HOXC9: variants seen among roughly 807,000 people sequenced by gnomAD.
The protein encoded by HOXC9 is homeobox protein Hox-C9.
HOXC9 carries 10 observed loss-of-function variants against 20.0 expected under a neutral mutation model. The observed-to-expected ratio is 0.50, with a 90% confidence interval of 0.31 to 0.85. HOXC9 has a LOEUF of 0.85. Among genes scored for constraint, HOXC9 ranks in the 40% least tolerant of loss-of-function variants. HOXC9 has a pLI of 0.05. For synonymous variants in HOXC9, 200 were observed against 163.7 expected, an observed-to-expected ratio of 1.22 and a Z score of -1.69; for missense variants, 394 against 376.7, an observed-to-expected ratio of 1.05 and a Z score of -0.38.
rs922057294 is a variant in HOXC9 at position 54,003,319 on chromosome 12, G to A, written c.*645G>A. ...TAGAACAGCCCTGTGTTAATATATT[G>A]AAGTCACTTAACCAGAAACCCAACT... On this transcript the variant is annotated 3_prime_UTR_variant, in exon 2 of 2. Coordinates refer to ENST00000303450, the MANE Select transcript of HOXC9 (RefSeq NM_006897.3). 6.6e-6 allele frequency: 1 copy of A among 152,234 alleles called. No homozygotes were observed. Among genetic ancestry groups the A allele is most frequent in the African/African-American group, 2.4e-5 (1 of 41,442 alleles). 9.4% of individuals were successfully genotyped at this position (152,234 alleles called of 1,614,324 possible). A position where few individuals can be genotyped will look rare whatever the true frequency, so the allele number is the denominator to read the frequency against.
chr12:54,000,205 C>T lies in HOXC9; in HGVS notation c.17C>T (p.Pro6Leu). Reference protein sequence around the residue: MSATGPISNYYVDSLI... With the variant: MSATGLISNYYVDSLI... Reference sequence around the variant, plus strand: ...CCCGTTACGATGTCGGCGACGGGGCCCATCAGTAACTATTACGTGGACTCG... The same window carrying T: ...CCCGTTACGATGTCGGCGACGGGGCTCATCAGTAACTATTACGTGGACTCG... Residue 6 changes from proline to leucine, a missense_variant, in exon 1 of 2, where the codon CCC (proline) becomes CTC (leucine). Transcript: ENST00000303450. The T allele has an allele frequency of 6.2e-7, 1 of 1,614,072 alleles. No homozygotes were observed. The highest frequency in any genetic ancestry group is 8.5e-7 in the Non-Finnish European group (1 of 1,180,018).
At position 54,002,947 on chromosome 12, in the gene HOXC9, A is replaced by C. The variant is rs551243035; in HGVS notation, c.*273A>C. The C allele has an allele frequency of 6.5e-4, 206 of 319,052 alleles. No homozygotes were observed. The highest frequency in any genetic ancestry group is 4.1e-3 in the African/African-American group (192 of 47,102). The allele number at this position is 319,052 out of a possible 1,614,324, so 19.8% of individuals were successfully genotyped here. ...CGTTCTCTTTCCCCAGCGCAACCGA[A>C]ATAAATGACACATACAAATGTGATT... is the stretch of plus-strand genomic sequence containing the variant. On this transcript the variant is annotated 3_prime_UTR_variant, in exon 2 of 2. Coordinates refer to ENST00000303450, the MANE Select transcript of HOXC9 (RefSeq NM_006897.3).
In HOXC9 at chr12:54,000,568, G is replaced by A. The variant is rs1203168229; in HGVS notation, c.380G>A (p.Arg127His). The change falls in exon 1 of 2, where the codon CGC becomes CAC. Residue 127 changes from arginine to histidine, a missense_variant. Physicochemically the swap from Arg to His is conservative, Grantham distance 29. Transcript: ENST00000303450. ...ALKPDAYPGR[R>H]ADCGPGEGRS... ...AAGCCGGACGCCTACCCCGGGCGCC[G>A]CGCGGACTGCGGCCCAGGGGAGGGC... The A allele has an allele frequency of 6.5e-7, 1 of 1,535,394 alleles. No individual in the cohort carries two copies. The highest frequency in any genetic ancestry group is 1.4e-5 in the African/African-American group (1 of 72,506).
intron 1 of HOXC9, 53 bp downstream of exon 1, chr12:54,000,779 CG>C: frequency 7.4e-7 from 1 of 1,351,220 alleles, no homozygotes; most frequent in South Asian, 1.5e-5. Context: ...GAGGGGAGGA[CG>C]GGCGGGGGCA....
chr12:54,002,928 C>T lies in HOXC9; in HGVS notation c.*254C>T, dbSNP rs914641444. 2 of 359,434 alleles carry T rather than the reference C, an allele frequency of 5.6e-6. No homozygotes were observed. Among genetic ancestry groups the T allele is most frequent in the Non-Finnish European group, 5.0e-6 (1 of 200,766 alleles). 22.3% of individuals were successfully genotyped at this position (359,434 alleles called of 1,614,324 possible). A position where few individuals can be genotyped will look rare whatever the true frequency, so the allele number is the denominator to read the frequency against. On this transcript the variant is annotated 3_prime_UTR_variant, in exon 2 of 2. Transcript: ENST00000303450. ...GAGGCGGGGAGAGAAACTGCGTTCTCTTTCCCCAGCGCAACCGAAATAAAT... is the reference window on the plus strand; with the variant it reads ...GAGGCGGGGAGAGAAACTGCGTTCTTTTTCCCCAGCGCAACCGAAATAAAT...
rs1439055410 is a variant in HOXC9, at chr12:54,001,950, T to C, written c.539-480T>C. ...AGCGGGAGGATGGTGCTGCAGAGGGTGGTGAGGGGTTTAGGGATTCTCAGG... is the reference window on the plus strand; with the variant it reads ...AGCGGGAGGATGGTGCTGCAGAGGGCGGTGAGGGGTTTAGGGATTCTCAGG... On this transcript the variant is annotated intron_variant, in intron 1 of 1. Transcript: ENST00000303450. Among the ~76,000 whole-genome samples, 5 of 149,370 alleles carry C rather than the reference T, an allele frequency of 3.3e-5. No homozygotes were observed. In the East Asian group the frequency reaches 9.9e-4, roughly 30 times the overall value.
chr12:54,000,661 C>A lies in HOXC9; in HGVS notation c.473C>A (p.Pro158His), dbSNP rs1252972722. ...ELRDRAPQTL[P>H]SPEADALAGS... ...CGCGACCGCGCCCCGCAGACACTGC[C>A]CTCGCCCGAGGCGGACGCGCTCGCC... Residue 158 changes from proline to histidine, a missense_variant, in exon 1 of 2, where the codon CCC (proline) becomes CAC (histidine). Physicochemically the swap from Pro to His is moderately conservative, Grantham distance 77. Transcript: ENST00000303450. 1 of 1,563,848 alleles carries A rather than the reference C, an allele frequency of 6.4e-7. No individual in the cohort carries two copies.
chr12:54,001,215 A>G (rs1939735415), intron 1 of HOXC9, among the ~76,000 whole-genome samples: 1 of 152,076 alleles, frequency 6.6e-6, no homozygotes, highest in African/African-American at 2.4e-5. Context: ...CAGAAGGTCC[A>G]TGGACTTCTC....
intron 1 of HOXC9, among the ~76,000 whole-genome samples, chr12:54,001,356 G>T (rs1414435324): frequency 6.6e-6 from 1 of 152,080 alleles, no homozygotes; most frequent in Non-Finnish European, 1.5e-5. Context: ...CCTCTTCTGA[G>T]GGTCTTGGAG....
Position 54,000,597 on chromosome 12 carries a change from A to C in HOXC9, c.409A>C (p.Ser137Arg). 1 of 1,533,940 alleles carries C rather than the reference A, an allele frequency of 6.5e-7. No homozygotes were observed. The highest frequency in any genetic ancestry group is 8.7e-7 in the Non-Finnish European group (1 of 1,147,456). Reference sequence around the variant, plus strand: ...GGACTGCGGCCCAGGGGAGGGCCGCAGCTACCCGGACTACATGTACGGCTC... The same window carrying C: ...GGACTGCGGCCCAGGGGAGGGCCGCCGCTACCCGGACTACATGTACGGCTC... ...RADCGPGEGR[S>R]YPDYMYGSPG... The change falls in exon 1 of 2, where the codon AGC (serine) becomes CGC (arginine). Residue 137 changes from serine (S) to arginine (R), a missense_variant. Ser to Arg is a moderately radical substitution (Grantham distance 110). Transcript: ENST00000303450.
rs1294333101 is a variant in HOXC9 at position 54,000,332 on chromosome 12, C to T, written c.144C>T (p.Ser48=). ...CCAGCGGTTTGGTGCCGGACTGTAGCGATTTTCCGTCCTGTAGCTTCGCGC... is the reference window on the plus strand; with the variant it reads ...CCAGCGGTTTGGTGCCGGACTGTAGTGATTTTCCGTCCTGTAGCTTCGCGC... ...ARPSGLVPDC[S]DFPSCSFAPK... Residue 48 remains serine, a synonymous_variant, in exon 1 of 2, where the codon AGC becomes AGT. Coordinates refer to ENST00000303450, the MANE Select transcript of HOXC9 (RefSeq NM_006897.3). 4.3e-6 allele frequency: 7 copies of T among 1,613,952 alleles called. No homozygotes were observed. In the African/African-American group the frequency reaches 8.0e-5, roughly 18 times the overall value.
chr12:54,002,017 G>A (rs1939756348), intron 1 of HOXC9, among the ~76,000 whole-genome samples: 1 of 152,072 alleles, frequency 6.6e-6, no homozygotes, highest in South Asian at 2.1e-4. Flanking sequence ...CTTGGTCGTG[G>A]GCTGGGAGGA....
Position 54,002,468 on chromosome 12 carries a change from A to G in HOXC9, c.577A>G (p.Arg193Gly), listed in dbSNP as rs746355326. 4 of 1,614,040 alleles carry G rather than the reference A, an allele frequency of 2.5e-6. No individual in the cohort carries two copies. Among genetic ancestry groups the G allele is most frequent in the Non-Finnish European group, 3.4e-6 (4 of 1,180,018 alleles). The stretch of plus-strand genomic sequence containing the variant: ...CAACTGGATTCACGCCCGCTCCACG[A>G]GGAAGAAGCGCTGCCCCTACACCAA... ...VANWIHARSTRKKRCPYTKYQ... is the reference protein window; with the variant it reads ...VANWIHARSTGKKRCPYTKYQ... Residue 193 changes from arginine to glycine, a missense_variant, in exon 2 of 2, where the codon AGG (arginine) becomes GGG (glycine). Coordinates refer to ENST00000303450, the MANE Select transcript of HOXC9 (RefSeq NM_006897.3).
intron 1 of HOXC9, 68 bp downstream of exon 1, chr12:54,000,794 G>A: frequency 7.4e-7 from 1 of 1,354,746 alleles, no homozygotes; most frequent in Non-Finnish European, 9.7e-7. Flanking sequence ...GGGGGCAGCC[G>A]AATTACAGCC....
chr12:54,002,746 C>G lies in HOXC9; in HGVS notation c.*72C>G, dbSNP rs947804619. Reference sequence around the variant, plus strand: ...ACCCCACAAAATACCCCAACACAGGCGGGGGAGAGACGAAAAAGAAAAGGA... The same window carrying G: ...ACCCCACAAAATACCCCAACACAGGGGGGGGAGAGACGAAAAAGAAAAGGA... On this transcript the variant is annotated 3_prime_UTR_variant, in exon 2 of 2. Coordinates refer to ENST00000303450, the MANE Select transcript of HOXC9 (RefSeq NM_006897.3). 1 of 1,473,588 alleles carries G rather than the reference C, an allele frequency of 6.8e-7. No homozygotes were observed. Among genetic ancestry groups the G allele is most frequent in the Non-Finnish European group, 9.1e-7 (1 of 1,094,644 alleles). 91.3% of individuals were successfully genotyped at this position (1,473,588 alleles called of 1,614,324 possible). A position where few individuals can be genotyped will look rare whatever the true frequency, so the allele number is the denominator to read the frequency against.
chr12:54,000,364 C>T lies in HOXC9; in HGVS notation c.176C>T (p.Pro59Leu), dbSNP rs779811952. Residue 59 changes from proline (P) to leucine (L), a missense_variant, in exon 1 of 2, where the codon CCG becomes CTG. Transcript: ENST00000303450. The part of the protein sequence containing the change: ...DFPSCSFAPK[P>L]AVFSTSWAPV... ...CCGTCCTGTAGCTTCGCGCCCAAGC[C>T]GGCAGTGTTCAGCACGTCGTGGGCG... The T allele has an allele frequency of 3.7e-6, 6 of 1,613,822 alleles. No homozygotes were observed. The highest frequency in any genetic ancestry group is 4.2e-6 in the Non-Finnish European group (5 of 1,180,054).
rs573143117 is a variant in HOXC9, at chr12:54,001,152, C to T, written c.538+426C>T. ...GAGGAGATACCCCCAGCGAGAATGA[C>T]CCCTGCTTCCCAGTCAGCGTGGAGG... On this transcript the variant is annotated intron_variant, in intron 1 of 1. Coordinates refer to ENST00000303450, the MANE Select transcript of HOXC9 (RefSeq NM_006897.3). Among the ~76,000 whole-genome samples the T allele has an allele frequency of 3.3e-5, 5 of 152,162 alleles. No individual in the cohort carries two copies. The South Asian group carries it at 8.3e-4, about 25-fold the overall frequency.
Position 54,000,380 on chromosome 12 carries a change from G to A in HOXC9, c.192G>A (p.Thr64=). ...SFAPKPAVFS[T]SWAPVPSQSS... ...CGCCCAAGCCGGCAGTGTTCAGCACGTCGTGGGCGCCCGTGCCCTCTCAGT... is the reference window on the plus strand; with the variant it reads ...CGCCCAAGCCGGCAGTGTTCAGCACATCGTGGGCGCCCGTGCCCTCTCAGT... The change falls in exon 1 of 2, where the codon ACG becomes ACA. Residue 64 remains threonine (T), a synonymous_variant. Coordinates refer to ENST00000303450, the MANE Select transcript of HOXC9 (RefSeq NM_006897.3). 1 of 1,613,548 alleles carries A rather than the reference G, an allele frequency of 6.2e-7. No individual in the cohort carries two copies. Among genetic ancestry groups the A allele is most frequent in the Non-Finnish European group, 8.5e-7 (1 of 1,180,020 alleles).
In HOXC9 at chr12:54,000,413, G is replaced by A; in HGVS notation, c.225G>A (p.Val75=). The change falls in exon 1 of 2, where the codon GTG becomes GTA. Residue 75 remains valine, a synonymous_variant. Coordinates refer to ENST00000303450, the MANE Select transcript of HOXC9 (RefSeq NM_006897.3). The part of the protein sequence containing the change: ...SWAPVPSQSS[V]VYHPYGPQPH... ...CGCCCGTGCCCTCTCAGTCGTCCGT[G>A]GTATATCACCCGTACGGCCCCCAGC... 1 of 1,611,662 alleles carries A rather than the reference G, an allele frequency of 6.2e-7. No individual in the cohort carries two copies. Among genetic ancestry groups the A allele is most frequent in the South Asian group, 1.1e-5 (1 of 91,088 alleles).
Sources: allele counts gnomAD v4.1 joint callset (sites outside exome capture counted in the v4.1 genomes callset), GRCh38; gene constraint gnomAD v4.1.1; transcripts MANE v1.5; gene names NCBI Gene and HGNC (gene_info 2026-07-23, HGNC 2026-07-21).